XBP1: variants seen among roughly 807,000 people sequenced by gnomAD.
XBP1 encodes X-box binding protein 1.
A neutral mutation model predicts 34.6 loss-of-function variants in XBP1; 18 were observed. That is an observed-to-expected ratio of 0.52 (90% CI 0.36 to 0.77). The LOEUF (loss-of-function observed/expected upper bound fraction) is 0.77. XBP1 is among the 30% of genes least tolerant of loss of function. XBP1 has a pLI of 0.00. For missense variants in XBP1, 422 were observed against 464.6 expected (o/e 0.91, Z 0.84); for synonymous variants, 191 against 193.4 (o/e 0.99, Z 0.11).
At position 28,796,197 on chromosome 22, in the gene XBP1, G is replaced by A. The variant is rs758667528; in HGVS notation, c.454-5C>T. 2 of 1,539,840 alleles carry A rather than the reference G, an allele frequency of 1.3e-6. No individual in the cohort carries two copies. Among genetic ancestry groups the A allele is most frequent in the South Asian group, 1.3e-5 (1 of 79,580 alleles). On this transcript the variant is annotated splice_polypyrimidine_tract_variant and splice_region_variant and intron_variant, in intron 3 of 5. Transcript: ENST00000344347. ...CACTGGCCTCACTTCATTCCCCTGGGAGGAAAGACCAAAGTGAATAAACAG... is the reference window on the plus strand; with the variant it reads ...CACTGGCCTCACTTCATTCCCCTGGAAGGAAAGACCAAAGTGAATAAACAG...
At chr22:28,800,276 C>A (rs962836169) in intron 1 of XBP1, 22 bp downstream of exon 1, 1 of 1,549,190 alleles carries the variant, frequency 6.5e-7, no homozygotes. Context: ...GATCTGGCCC[C>A]AGACCCCGGC....
exon 1 of XBP1, chr22:28,800,400 G>A (rs2031859042): frequency 6.6e-7 from 1 of 1,524,084 alleles, no homozygotes; most frequent in Non-Finnish European, 8.8e-7. Context: ...CCCTCTCTGG[G>A]CTGGCACCAT....
intron 1 of XBP1, chr22:28,800,077 C>T (rs1425967679): frequency 2.6e-6 from 2 of 760,412 alleles, no homozygotes; most frequent in Non-Finnish European, 4.8e-6. Context: ...TTAAAAAGTA[C>T]AGAAAAGAGC....
rs1384025666 is a variant in XBP1 at position 28,800,344 on chromosome 22, G to A, written c.181C>T (p.Arg61Ter). Residue 61 changes from arginine to a stop codon, truncating the protein, a stop_gained, in exon 1 of 6, where the codon CGA becomes TGA. Coordinates refer to ENST00000344347, the Ensembl canonical transcript of XBP1. LOFTEE classifies it high-confidence loss of function. ...GGGCTCAGGTGCGTGAGGCGCTGTC[G>A]CTTGCGCGCCTGGGGCAGCCCCCCG... The A allele has an allele frequency of 6.5e-7, 1 of 1,550,162 alleles. No individual in the cohort carries two copies.
chr22:28,800,016 C>T (rs1235911835), intron 1 of XBP1: 3 of 779,294 alleles, frequency 3.8e-6, no homozygotes, highest in Non-Finnish European at 7.2e-6. Flanking sequence ...GCAAGAGGGC[C>T]TGGAAGACAG....
chr22:28,795,676 G>A (rs778334409), exon 6 of XBP1: 1 of 1,581,948 alleles, frequency 6.3e-7, no homozygotes, highest in Non-Finnish European at 8.6e-7. Flanking sequence ...CTGGGGAAGG[G>A]CATTTGAAGA....
chr22:28,799,214 G>T, intron 1 of XBP1, 61 bp from the exon 2 acceptor site: 1 of 1,357,274 alleles, frequency 7.4e-7, no homozygotes, highest in South Asian at 1.2e-5. Context: ...GTCTTTATTT[G>T]AAAACTTTAC....
downstream of XBP1, chr22:28,795,133 G>T: frequency 6.8e-7 from 1 of 1,461,210 alleles, no homozygotes; most frequent in Non-Finnish European, 9.1e-7. Flanking sequence ...CCTCCAGGCA[G>T]TGTAATAGTC....
intron 2 of XBP1, among the ~76,000 whole-genome samples, chr22:28,798,352 G>A (rs2031790410): frequency 7.1e-6 from 1 of 140,770 alleles, no homozygotes. Flanking sequence ...CCAGACTGGA[G>A]TGCAGTGGCA....
intron 5 of XBP1, 99 bp from the exon 6 acceptor site, chr22:28,795,831 T>C (rs1308629164): frequency 7.4e-7 from 1 of 1,356,868 alleles, no homozygotes; most frequent in African/African-American, 1.5e-5. Flanking sequence ...AAATTAGTCA[T>C]TATGTGATAA....
At chr22:28,800,059 C>T (rs558757737) in intron 1 of XBP1, 3 of 770,608 alleles carry the variant, frequency 3.9e-6, no homozygotes, top group African/African-American at 1.7e-5. Flanking sequence ...TCATCTCTAA[C>T]GAGAGAGTTA....
At chr22:28,797,027 C>A in intron 3 of XBP1, 50 bp downstream of exon 3, 1 of 1,556,418 alleles carries the variant, frequency 6.4e-7, no homozygotes, top group South Asian at 1.2e-5. Flanking sequence ...TGGGTCATGT[C>A]ACTTGGAACC....
At chr22:28,797,240 C>G (rs751898182) in intron 2 of XBP1, 35 bp from the exon 3 acceptor site, 3 of 1,598,382 alleles carry the variant, frequency 1.9e-6, no homozygotes, top group Non-Finnish European at 2.6e-6. Context: ...ATTAAAACAT[C>G]TAATTATTTC....
chr22:28,796,916 C>G, intron 3 of XBP1, 161 bp downstream of exon 3: 1 of 824,700 alleles, frequency 1.2e-6, no homozygotes, highest in Non-Finnish European at 1.8e-6. Flanking sequence ...TGTCAAGTGC[C>G]TTTAGGGGAA....
At chr22:28,800,526 G>A (rs1363999846), upstream of XBP1, 9 of 1,488,626 alleles carry the variant, frequency 6.0e-6, 1 homozygote, top group Middle Eastern at 1.8e-4. Flanking sequence ...CACCACCATA[G>A]CTCCAGACTA....
intron 2 of XBP1, among the ~76,000 whole-genome samples, chr22:28,798,161 A>G (rs1335186380): frequency 6.6e-6 from 1 of 152,224 alleles, no homozygotes; most frequent in African/African-American, 2.4e-5. Context: ...AGCCCTTGCT[A>G]ATTTCTTACT....
At chr22:28,795,923 T>C in intron 5 of XBP1, 124 bp downstream of exon 5, 1 of 1,345,742 alleles carries the variant, frequency 7.4e-7, no homozygotes, top group Non-Finnish European at 1.0e-6. Flanking sequence ...AGGTAGTTGA[T>C]GTTCACCTCC....
chr22:28,797,898 T>TA (rs1167946912), intron 2 of XBP1, among the ~76,000 whole-genome samples: 8 of 151,818 alleles, frequency 5.3e-5, no homozygotes, highest in African/African-American at 1.2e-4. Context: ...CAAAATAAGT[T>TA]AAAAAAAATC....
intron 1 of XBP1, 78 bp downstream of exon 1, chr22:28,800,220 C>G: frequency 6.7e-7 from 1 of 1,487,552 alleles, no homozygotes. Context: ...TGCTGGGTCC[C>G]CGCTCCCAGC....
Sources: gnomAD v4.1 joint callset for allele counts (sites outside exome capture counted in the v4.1 genomes callset) on GRCh38, gnomAD v4.1.1 for gene constraint, MANE v1.5 for transcripts, NCBI Gene and HGNC (gene_info 2026-07-23, HGNC 2026-07-21) for gene names.